Variants in AOPEP observed in about 807,000 individuals in gnomAD.
AOPEP encodes aminopeptidase O (putative).
A neutral mutation model predicts 98.1 loss-of-function variants in AOPEP; 77 were observed. The observed-to-expected ratio is 0.78, with a 90% CI of 0.65 to 0.95. The LOEUF is 0.95. Among genes scored for constraint, AOPEP ranks in the 40% least tolerant of loss-of-function variants. AOPEP has a pLI of 0.00. For missense variants in AOPEP, 1,024 were observed against 1,024.7 expected (o/e 1.00, Z 0.01); for synonymous variants, 346 against 365.3 (o/e 0.95, Z 0.60).
the AOPEP span, chr9:95,101,806 A>T: frequency 6.2e-7 from 1 of 1,614,122 alleles, no homozygotes; most frequent in Non-Finnish European, 8.5e-7. Context: ...AGGTCTGGTC[A>T]AGAAAGCCAA....
At chr9:94,819,244 T>C (rs965594038) in intron 5 of AOPEP, among the ~76,000 whole-genome samples, 2 of 152,202 alleles carry the variant, frequency 1.3e-5, no homozygotes, top group African/African-American at 4.8e-5. Context: ...CTCAGTATTA[T>C]CTGAGCCATT....
chr9:94,776,979 T>C (rs944339197), intron 3 of AOPEP, among the ~76,000 whole-genome samples: 6 of 152,086 alleles, frequency 3.9e-5, no homozygotes, highest in Non-Finnish European at 8.8e-5. Flanking sequence ...CATATTTAGA[T>C]TGGCTTTTTG....
At chr9:94,917,959 C>G (rs925715800) in intron 5 of AOPEP, among the ~76,000 whole-genome samples, 3 of 152,186 alleles carry the variant, frequency 2.0e-5, no homozygotes, top group Non-Finnish European at 4.4e-5. Context: ...CTACTTCCCT[C>G]ATCTTTTTAT....
At chr9:94,768,217 A>C (rs372340683) in intron 2 of AOPEP, among the ~76,000 whole-genome samples, 1 of 152,118 alleles carries the variant, frequency 6.6e-6, no homozygotes, top group Non-Finnish European at 1.5e-5. Flanking sequence ...CAAGCCACAC[A>C]TGGGGCCACT....
At chr9:95,150,106 A>G in the AOPEP span, 1 of 1,613,784 alleles carries the variant, frequency 6.2e-7, no homozygotes, top group Non-Finnish European at 8.5e-7. Context: ...GAAATAAGAA[A>G]TAATCACTCA....
At chr9:94,814,866 G>A (rs7037239) in intron 5 of AOPEP, among the ~76,000 whole-genome samples, 1,698 of 152,256 alleles carry the variant, frequency 0.011, 29 homozygotes, top group African/African-American at 0.038. Context: ...ACGGTACTCT[G>A]TTTGGTTTTT....
At chr9:94,983,305 G>C (rs551285963) in intron 11 of AOPEP, among the ~76,000 whole-genome samples, 1 of 152,248 alleles carries the variant, frequency 6.6e-6, no homozygotes, top group South Asian at 2.1e-4. Context: ...TTACAGATGC[G>C]AGCCAGCCAG....
chr9:94,745,943 A>G (rs1456710743), intron 1 of AOPEP, among the ~76,000 whole-genome samples: 1 of 152,240 alleles, frequency 6.6e-6, no homozygotes, highest in East Asian at 1.9e-4. Flanking sequence ...AGGAACCTCC[A>G]TACTGTACTT....
chr9:94,747,686 A>G (rs916037683), intron 1 of AOPEP, among the ~76,000 whole-genome samples: 4 of 152,232 alleles, frequency 2.6e-5, no homozygotes, highest in East Asian at 1.9e-4. Context: ...AAATGACATC[A>G]GCTTTCAAAG....
At chr9:95,129,620 T>G in the AOPEP span, among the ~76,000 whole-genome samples, 13 of 152,206 alleles carry the variant, frequency 8.5e-5, no homozygotes, top group Non-Finnish European at 1.5e-5. Context: ...GTGGTTTCCA[T>G]CTGTTTGTTT....
At chr9:94,766,047 G>A (rs923643896) in intron 2 of AOPEP, among the ~76,000 whole-genome samples, 8 of 152,150 alleles carry the variant, frequency 5.3e-5, no homozygotes, top group Admixed American at 2.6e-4. Context: ...ACAAAGACAG[G>A]GTCAAGAGTT....
At chr9:95,004,127 A>C in intron 11 of AOPEP, 1 of 411,836 alleles carries the variant, frequency 2.4e-6, no homozygotes, top group South Asian at 1.7e-5. Flanking sequence ...GAAATGTGAT[A>C]AAGTTAAAGG....
intron 5 of AOPEP, among the ~76,000 whole-genome samples, chr9:94,877,902 C>T (rs1228790742): frequency 6.6e-6 from 1 of 152,208 alleles, no homozygotes; most frequent in East Asian, 1.9e-4. Context: ...AGTGCTGTTT[C>T]TAGCGAGTGC....
chr9:95,146,417 GT>G, the AOPEP span, among the ~76,000 whole-genome samples: 4 of 125,920 alleles, frequency 3.2e-5, no homozygotes, highest in Non-Finnish European at 4.7e-5. Flanking sequence ...GAGCCTGGGA[GT>G]TTGAGACTAC....
At chr9:95,069,146 C>A (rs2068217914) in intron 14 of AOPEP, among the ~76,000 whole-genome samples, 2 of 152,198 alleles carry the variant, frequency 1.3e-5, no homozygotes, top group Admixed American at 1.3e-4. Flanking sequence ...ACCATTTTAT[C>A]CTCAATGCCC....
At chr9:94,909,265 C>G (rs1242382608) in intron 5 of AOPEP, among the ~76,000 whole-genome samples, 3 of 147,070 alleles carry the variant, frequency 2.0e-5, no homozygotes, top group Non-Finnish European at 4.4e-5. Flanking sequence ...GCGCATTGAG[C>G]GTCAGCATAA....
intron 5 of AOPEP, among the ~76,000 whole-genome samples, chr9:94,884,343 A>G (rs2047935786): frequency 6.6e-6 from 1 of 152,196 alleles, no homozygotes; most frequent in Non-Finnish European, 1.5e-5. Context: ...CAGCTAAGGA[A>G]TGAGTTTGTA....
At chr9:94,789,889 T>C (rs1845273663) in intron 3 of AOPEP, among the ~76,000 whole-genome samples, 1 of 93,188 alleles carries the variant, frequency 1.1e-5, no homozygotes, top group South Asian at 4.5e-4. Flanking sequence ...TCTTTTTTTT[T>C]TTTAGACGGA....
intron 14 of AOPEP, among the ~76,000 whole-genome samples, chr9:95,063,857 G>A (rs947172488): frequency 1.9e-4 from 29 of 152,008 alleles, no homozygotes; most frequent in African/African-American, 6.3e-4. Flanking sequence ...CCAGGTGCTC[G>A]TGTGCACGTG....
Sources: allele counts gnomAD v4.1 joint callset (sites outside exome capture counted in the v4.1 genomes callset), GRCh38; gene constraint gnomAD v4.1.1; transcripts MANE v1.5; gene names NCBI Gene and HGNC (gene_info 2026-07-23, HGNC 2026-07-21).